CACNA1G: variants seen among roughly 807,000 people sequenced by gnomAD.
The protein encoded by CACNA1G is voltage-dependent T-type calcium channel subunit alpha-1G.
In CACNA1G, 67 loss-of-function variants were observed where a neutral mutation model predicts 219.4. The observed-to-expected ratio is 0.31, with a 90% confidence interval of 0.25 to 0.37. The LOEUF (loss-of-function observed/expected upper bound fraction) is 0.37. Ranked by LOEUF, CACNA1G falls within the 10% of genes least tolerant of loss-of-function variation. The pLI is 1.00. For missense variants in CACNA1G, 2,380 were observed against 3,231.4 expected (o/e 0.74, Z 6.39); for synonymous variants, 1,296 against 1,345.3 (o/e 0.96, Z 0.80).
At chr17:50,614,091 C>T (rs779720066) in intron 26 of CACNA1G, among the ~76,000 whole-genome samples, 16 of 152,182 alleles carry the variant, frequency 1.1e-4, no homozygotes, top group African/African-American at 3.1e-4. Flanking sequence ...TGGCAGCCCA[C>T]GAGGCTGGAT....
Position 50,615,431 on chromosome 17 carries a change from C to T in CACNA1G, c.4830C>T (p.Ser1610=), listed in dbSNP as rs1390964508. The change falls in exon 27 of 38, where the codon AGC becomes AGT. Residue 1610 remains serine, a synonymous_variant. Coordinates refer to ENST00000359106, the MANE Select transcript of CACNA1G (RefSeq NM_018896.5). ...FRLLVHHLCT[S]HYLDLFITGV... Reference sequence around the variant, plus strand: ...TCCTCGTCCACCACTTGTGCACCAGCCACTACCTGGACCTCTTCATCACAG... The same window carrying T: ...TCCTCGTCCACCACTTGTGCACCAGTCACTACCTGGACCTCTTCATCACAG... 1 of 1,613,494 alleles carries T rather than the reference C, an allele frequency of 6.2e-7. No homozygotes were observed. Among genetic ancestry groups the T allele is most frequent in the Admixed American group, 1.7e-5 (1 of 60,014 alleles).
At chr17:50,606,185 TC>T in intron 23 of CACNA1G, 162 bp downstream of exon 23, 2 of 1,044,112 alleles carry the variant, frequency 1.9e-6, no homozygotes, top group Non-Finnish European at 3.0e-6. Context: ...CAAAGCCCAG[TC>T]CATCCCACAG....
intron 13 of CACNA1G, among the ~76,000 whole-genome samples, chr17:50,593,841 G>C (rs1245915801): frequency 6.6e-6 from 1 of 152,224 alleles, no homozygotes; most frequent in Non-Finnish European, 1.5e-5. Flanking sequence ...GTGCCCATGG[G>C]AGGGGCTGGG....
At chr17:50,597,877 A>G (rs142132392) in intron 16 of CACNA1G, among the ~76,000 whole-genome samples, 24 of 152,324 alleles carry the variant, frequency 1.6e-4, no homozygotes, top group African/African-American at 5.3e-4. Context: ...GATTTCACAT[A>G]TAAGTGAGAT....
At chr17:50,601,287 G>A (rs1598484493) in intron 19 of CACNA1G, 113 bp downstream of exon 19, 9 of 1,326,318 alleles carry the variant, frequency 6.8e-6, no homozygotes, top group Middle Eastern at 3.7e-4. Flanking sequence ...AGCAGGGAAC[G>A]AGGGGGCCAG....
Position 50,561,365 on chromosome 17 carries a change from C to A in CACNA1G, c.-95C>A. ...TGCGCCCTAGAGCCCACCAGATGTG[C>A]CCCCGCCGGGGCCCCCGGGTTGCGT... On this transcript the variant is annotated 5_prime_UTR_variant, in exon 1 of 38. It introduces an in-frame stop codon into an upstream open reading frame of the 5' UTR. Coordinates refer to ENST00000359106, the MANE Select transcript of CACNA1G (RefSeq NM_018896.5). The A allele has an allele frequency of 6.7e-7, 1 of 1,491,010 alleles. No homozygotes were observed. The highest frequency in any genetic ancestry group is 9.0e-7 in the Non-Finnish European group (1 of 1,110,254). 92.4% of individuals were successfully genotyped at this position (1,491,010 alleles called of 1,614,324 possible). A position where few individuals can be genotyped will look rare whatever the true frequency, so the allele number is the denominator to read the frequency against.
In CACNA1G at chr17:50,623,978, G is replaced by A. The variant is rs773558567; in HGVS notation, c.6132G>A (p.Thr2044=). The A allele has an allele frequency of 1.1e-5, 17 of 1,613,182 alleles. No individual in the cohort carries two copies. Among genetic ancestry groups the A allele is most frequent in the Admixed American group, 1.7e-5 (1 of 60,002 alleles). Reference sequence around the variant, plus strand: ...TGCGGAAGTCTGGGGTCAGCCGAACGCACTCTCTGCCCAATGACAGCTACA... The same window carrying A: ...TGCGGAAGTCTGGGGTCAGCCGAACACACTCTCTGCCCAATGACAGCTACA... ...LTVRKSGVSR[T]HSLPNDSYMC... Residue 2044 remains threonine, a synonymous_variant, in exon 36 of 38, where the codon ACG becomes ACA. Transcript: ENST00000359106.
Position 50,618,877 on chromosome 17 carries a change from T to C in CACNA1G, c.5650T>C (p.Ser1884Pro). The C allele has an allele frequency of 6.2e-7, 1 of 1,612,412 alleles. No homozygotes were observed. The highest frequency in any genetic ancestry group is 8.5e-7 in the Non-Finnish European group (1 of 1,179,562). ...GAAGACCCTCAGCCCCCAGCCCCAC[T>C]CGCCACTGGGCAGCCCCTTCCTCTG... ...EMKTLSPQPH[S>P]PLGSPFLWPG... The change falls in exon 33 of 38, where the codon TCG becomes CCG. Residue 1884 changes from serine to proline, a missense_variant. Coordinates refer to ENST00000359106, the MANE Select transcript of CACNA1G (RefSeq NM_018896.5). The surrounding 1 kb of genome is among the most constrained non-coding windows in gnomAD (Gnocchi z 5.3).
intron 1 of CACNA1G, among the ~76,000 whole-genome samples, chr17:50,565,389 G>T (rs897968582): frequency 1.4e-5 from 2 of 142,958 alleles, no homozygotes; most frequent in East Asian, 2.6e-4. Flanking sequence ...GGGTGGGGCG[G>T]GGGGTTCTGC....
At chr17:50,569,959 G>T (rs902674906) in intron 4 of CACNA1G, among the ~76,000 whole-genome samples, 156 bp downstream of exon 4, 1 of 152,116 alleles carries the variant, frequency 6.6e-6, no homozygotes, top group African/African-American at 2.4e-5. Flanking sequence ...GAACAAAATG[G>T]AACTCCTGAA....
intron 13 of CACNA1G, among the ~76,000 whole-genome samples, chr17:50,594,688 A>G (rs888128340): frequency 6.6e-6 from 1 of 152,158 alleles, no homozygotes; most frequent in Non-Finnish European, 1.5e-5. Context: ...GCAGTTTCCC[A>G]TGCCAGGCAC....
At chr17:50,589,566 C>T (rs892139617) in intron 9 of CACNA1G, among the ~76,000 whole-genome samples, 2 of 152,120 alleles carry the variant, frequency 1.3e-5, no homozygotes, top group African/African-American at 4.8e-5. Context: ...ATATTGAAAG[C>T]GAGGTCACTA....
chr17:50,564,553 C>G (rs1291136661), intron 1 of CACNA1G, among the ~76,000 whole-genome samples: 1 of 151,030 alleles, frequency 6.6e-6, no homozygotes, highest in Non-Finnish European at 1.5e-5. Context: ...GCCCTAATGG[C>G]TTCCAGAAGT....
Position 50,603,637 on chromosome 17 carries a change from G to C in CACNA1G, c.4169+438G>C, listed in dbSNP as rs527309676. On this transcript the variant is annotated intron_variant, in intron 21 of 37. Coordinates refer to ENST00000359106, the MANE Select transcript of CACNA1G (RefSeq NM_018896.5). The surrounding 1 kb of genome is among the most constrained non-coding windows in gnomAD (Gnocchi z 6.4). ...AGGCGCCTGCCAGTGACCACCCCCC[G>C]GTGACATTTCTCCTGACCAGGGATC... Among the ~76,000 whole-genome samples, 2 of 145,838 alleles carry C rather than the reference G, an allele frequency of 1.4e-5. No individual in the cohort carries two copies. Among genetic ancestry groups the C allele is most frequent in the Admixed American group, 6.9e-5 (1 of 14,498 alleles).
intron 16 of CACNA1G, 93 bp from the exon 17 acceptor site, chr17:50,599,335 G>GAT: frequency 1.7e-6 from 2 of 1,149,124 alleles, no homozygotes; most frequent in Non-Finnish European, 2.4e-6. Flanking sequence ...CACTTGATGT[G>GAT]ATGCCAGTGA....
intron 13 of CACNA1G, 104 bp from the exon 14 acceptor site, chr17:50,594,889 T>G: frequency 2.6e-6 from 2 of 777,006 alleles, no homozygotes; most frequent in Non-Finnish European, 2.1e-6. Context: ...TGCTGTGGGG[T>G]TTGCGCCCCT....
Position 50,603,779 on chromosome 17 carries a change from C to T in CACNA1G, c.4170-376C>T, listed in dbSNP as rs906171498. On this transcript the variant is annotated intron_variant, in intron 21 of 37. Coordinates refer to ENST00000359106, the MANE Select transcript of CACNA1G (RefSeq NM_018896.5). This position sits in a 1 kb window ranked among gnomAD's most constrained non-coding sequence, Gnocchi z 6.4. Reference sequence around the variant, plus strand: ...TGCTTCCCTGACTGTGATAGTCCATCTCCCTCTGCCCCTTCCCCTCTCTGC... The same window carrying T: ...TGCTTCCCTGACTGTGATAGTCCATTTCCCTCTGCCCCTTCCCCTCTCTGC... Among the ~76,000 whole-genome samples the T allele has an allele frequency of 1.3e-5, 2 of 151,958 alleles. No homozygotes were observed. The highest frequency in any genetic ancestry group is 2.4e-5 in the African/African-American group (1 of 41,332).
chr17:50,582,712 G>A (rs999806588), intron 9 of CACNA1G, among the ~76,000 whole-genome samples: 1 of 152,014 alleles, frequency 6.6e-6, no homozygotes, highest in Admixed American at 6.5e-5. Context: ...CTGGGTCATG[G>A]TGGGGTGGGG....
In CACNA1G at chr17:50,609,946, TG is replaced by T; in HGVS notation, c.4759+15del. On this transcript the variant is annotated intron_variant, in intron 26 of 37. Coordinates refer to ENST00000359106, the MANE Select transcript of CACNA1G (RefSeq NM_018896.5). ...CCAGCGCTGCGTCAGGTACTGCGTC[TG>T]GGGTGTGGGCTCATGCGTGTGGGGA... 2.5e-6 allele frequency: 4 copies of T among 1,608,526 alleles called. No individual in the cohort carries two copies.
Sources: gnomAD v4.1 joint callset for allele counts (sites outside exome capture counted in the v4.1 genomes callset) on GRCh38, gnomAD v4.1.1 for gene constraint, Gnocchi (gnomAD v3.1) non-coding constraint, MANE v1.5 for transcripts, NCBI Gene and HGNC (gene_info 2026-07-23, HGNC 2026-07-21) for gene names.